Variants in HDAC4 observed in about 807,000 individuals in gnomAD.
HDAC4 encodes histone deacetylase 4.
In HDAC4, 16 loss-of-function variants were observed where a neutral mutation model predicts 135.1. That is an observed-to-expected ratio of 0.12 (90% confidence interval 0.08 to 0.18). The LOEUF (loss-of-function observed/expected upper bound fraction) is 0.18, where lower values mean the gene tolerates loss of function less well. Among genes scored for constraint, HDAC4 ranks in the 10% least tolerant of loss-of-function variants. The pLI is 1.00. For missense variants in HDAC4, 1,143 were observed against 1,511.8 expected (o/e 0.76, Z 4.05); for synonymous variants, 685 against 653.4 (o/e 1.05, Z -0.74).
chr2:239,273,519 A>G (rs1256272841), intron 2 of HDAC4, among the ~76,000 whole-genome samples: 3 of 152,164 alleles, frequency 2.0e-5, no homozygotes, highest in Admixed American at 6.5e-5. Context: ...GTCTTGGATT[A>G]TCACTCTGCA....
In HDAC4 at chr2:239,108,245, G is replaced by A. The variant is rs373357414; in HGVS notation, c.1979-62C>T. On this transcript the variant is annotated intron_variant, in intron 14 of 26. Transcript: ENST00000543185. ...CCAGGGGCGAGCCGACCACCCACTG[G>A]CAGGCTGCCCCCGGGTGGTGGCGGA... The A allele has an allele frequency of 5.6e-4, 867 of 1,552,124 alleles. 6 individuals carry two copies. The highest frequency in any genetic ancestry group is 3.7e-3 in the East Asian group (154 of 41,420).
intron 3 of HDAC4, among the ~76,000 whole-genome samples, chr2:239,196,619 C>T (rs1166020164): frequency 2.6e-5 from 4 of 152,158 alleles, no homozygotes; most frequent in African/African-American, 9.7e-5. Context: ...GGTGAAGCCA[C>T]GGGTGACCCC....
intron 5 of HDAC4, among the ~76,000 whole-genome samples, chr2:239,166,507 G>A (rs541641997): frequency 2.6e-5 from 4 of 152,240 alleles, no homozygotes; most frequent in African/African-American, 9.6e-5. Context: ...GGGACAGGAG[G>A]GATGCTTTTT....
intron 1 of HDAC4, among the ~76,000 whole-genome samples, chr2:239,398,975 A>G (rs1346741593): frequency 2.0e-5 from 3 of 152,244 alleles, no homozygotes; most frequent in Non-Finnish European, 4.4e-5. Context: ...TTTGATCTCT[A>G]AAATAAAAGC....
Position 239,220,599 on chromosome 2 carries a change from C to A in HDAC4, c.94+15994G>T, listed in dbSNP as rs116365431. The stretch of plus-strand genomic sequence containing the variant: ...TAGGAACTGGTCAGCGGCCTTTCAT[C>A]ATGAAAATCTTCAACGACACACAGA... On this transcript the variant is annotated intron_variant, in intron 3 of 26. Transcript: ENST00000543185. Among the ~76,000 whole-genome samples, 700 of 152,264 alleles carry A rather than the reference C, an allele frequency of 4.6e-3. 4 individuals carry two copies. The highest frequency in any genetic ancestry group is 0.016 in the African/African-American group (667 of 41,546).
chr2:239,257,541 GAGA>G (rs977339929), intron 2 of HDAC4, among the ~76,000 whole-genome samples: 3 of 152,160 alleles, frequency 2.0e-5, no homozygotes, highest in African/African-American at 7.2e-5. Flanking sequence ...ACAGGCAGGA[GAGA>G]AGGAGGGAAA....
chr2:239,229,959 C>G (rs904453004), intron 3 of HDAC4, among the ~76,000 whole-genome samples: 1 of 152,152 alleles, frequency 6.6e-6, no homozygotes, highest in African/African-American at 2.4e-5. Flanking sequence ...TTTTCTATAG[C>G]CACTCAAAAT....
intron 2 of HDAC4, among the ~76,000 whole-genome samples, chr2:239,350,294 T>C (rs988043189): frequency 2.6e-5 from 4 of 151,808 alleles, no homozygotes; most frequent in Non-Finnish European, 5.9e-5. Flanking sequence ...CACTGAACTA[T>C]ATAAAGCAAA....
intron 2 of HDAC4, among the ~76,000 whole-genome samples, chr2:239,293,261 C>A (rs1280687606): frequency 6.6e-6 from 1 of 152,232 alleles, no homozygotes; most frequent in African/African-American, 2.4e-5. Context: ...CTTCTCTACT[C>A]GGGAGCTTCC....
At chr2:239,201,618 C>A (rs551379756) in intron 3 of HDAC4, among the ~76,000 whole-genome samples, 4 of 152,284 alleles carry the variant, frequency 2.6e-5, no homozygotes, top group Admixed American at 2.6e-4. Context: ...CAAAGCTGCT[C>A]AAGGCCGAGA....
At chr2:239,314,551 G>C (rs187679333) in intron 2 of HDAC4, among the ~76,000 whole-genome samples, 3 of 152,350 alleles carry the variant, frequency 2.0e-5, no homozygotes, top group Admixed American at 1.3e-4. Flanking sequence ...ATAACTATCA[G>C]AAGTGTCACA....
intron 2 of HDAC4, among the ~76,000 whole-genome samples, chr2:239,256,967 T>C (rs1397416332): frequency 6.6e-6 from 1 of 152,220 alleles, no homozygotes; most frequent in African/African-American, 2.4e-5. Context: ...AGAACCTGGG[T>C]ATTTTCAGAT....
intron 22 of HDAC4, among the ~76,000 whole-genome samples, chr2:239,071,340 A>G (rs781583520): frequency 6.6e-6 from 1 of 152,108 alleles, no homozygotes; most frequent in African/African-American, 2.4e-5. Context: ...GCTTGAACCC[A>G]GGAGGCAGAG....
At chr2:239,094,606 G>A (rs909427906) in intron 17 of HDAC4, 13 of 1,141,186 alleles carry the variant, frequency 1.1e-5, no homozygotes, top group African/African-American at 8.1e-5. Flanking sequence ...CACTGCACTG[G>A]GAGCCCCACC....
chr2:239,266,596 C>T (rs1182751382), intron 2 of HDAC4, among the ~76,000 whole-genome samples: 1 of 152,204 alleles, frequency 6.6e-6, no homozygotes, highest in Non-Finnish European at 1.5e-5. Context: ...AAATTATAAG[C>T]CACTGGCCAA....
At chr2:239,296,121 G>A (rs2051873672) in intron 2 of HDAC4, among the ~76,000 whole-genome samples, 1 of 152,224 alleles carries the variant, frequency 6.6e-6, no homozygotes, top group South Asian at 2.1e-4. Flanking sequence ...GAAAAGGGGA[G>A]CACCAAACTG....
At chr2:239,237,235 C>T (rs1378900939) in intron 2 of HDAC4, among the ~76,000 whole-genome samples, 1 of 152,066 alleles carries the variant, frequency 6.6e-6, no homozygotes, top group Non-Finnish European at 1.5e-5. Flanking sequence ...GAGCGGTTTC[C>T]ATCTATTCAG....
chr2:239,319,031 A>G (rs1420569313), intron 2 of HDAC4, among the ~76,000 whole-genome samples: 1 of 152,226 alleles, frequency 6.6e-6, no homozygotes, highest in Non-Finnish European at 1.5e-5. Context: ...CCTCCCCAGC[A>G]CTGTCTTCTG....
chr2:239,400,359 C>A lies in HDAC4; in HGVS notation c.-220+619G>T. On this transcript the variant is annotated intron_variant, in intron 1 of 26. Transcript: ENST00000543185. This position sits in a 1 kb window ranked among gnomAD's most constrained non-coding sequence, Gnocchi z 4.7. Reference sequence around the variant, plus strand: ...GCCCGCCCGCCCCCGCCCTCACTCCCGGCGGCCCGGAGCCCACCTGCTCGG... The same window carrying A: ...GCCCGCCCGCCCCCGCCCTCACTCCAGGCGGCCCGGAGCCCACCTGCTCGG... 6.7e-6 allele frequency: 1 copy of A among 148,618 alleles called. No individual in the cohort carries two copies. The highest frequency in any genetic ancestry group is 2.0e-4 in the South Asian group (1 of 4,888). 9.2% of individuals were successfully genotyped at this position (148,618 alleles called of 1,614,324 possible). A position where few individuals can be genotyped will look rare whatever the true frequency, so the allele number is the denominator to read the frequency against.
Sources: allele counts gnomAD v4.1 joint callset (sites outside exome capture counted in the v4.1 genomes callset), GRCh38; gene constraint gnomAD v4.1.1; non-coding constraint Gnocchi (gnomAD v3.1); transcripts MANE v1.5; gene names NCBI Gene and HGNC (gene_info 2026-07-23, HGNC 2026-07-21).